Variants in CNOT6L observed in about 807,000 individuals in gnomAD.
CNOT6L encodes the protein CCR4-NOT transcription complex subunit 6 like.
CNOT6L carries 7 observed loss-of-function variants against 64.0 expected under a neutral mutation model. That is an observed-to-expected ratio of 0.11 (90% CI 0.06 to 0.21). The LOEUF (loss-of-function observed/expected upper bound fraction) is 0.21. Ranked by LOEUF, CNOT6L falls within the 10% of genes least tolerant of loss-of-function variation. CNOT6L has a pLI of 1.00. For synonymous variants in CNOT6L, 193 were observed against 243.4 expected (o/e 0.79, Z 1.93); for missense variants, 245 against 669.0 (o/e 0.37, Z 6.99).
At chr4:77,780,631 T>C (rs770703962) in intron 1 of CNOT6L, among the ~76,000 whole-genome samples, 4 of 152,200 alleles carry the variant, frequency 2.6e-5, no homozygotes, top group African/African-American at 4.8e-5. Flanking sequence ...CAGTCCTAGA[T>C]AAGGAACCCG....
chr4:77,779,186 C>G (rs1319638251), intron 1 of CNOT6L, among the ~76,000 whole-genome samples: 6 of 151,114 alleles, frequency 4.0e-5, no homozygotes, highest in Admixed American at 1.3e-4. Context: ...GAGGCATATT[C>G]TTTTTATATC....
intron 11 of CNOT6L, 119 bp from the exon 12 acceptor site, chr4:77,720,762 G>T: frequency 2.1e-6 from 2 of 962,854 alleles, no homozygotes; most frequent in Non-Finnish European, 1.6e-6. Flanking sequence ...TGTCTTGATA[G>T]TGGGTCAAAT....
Position 77,726,296 on chromosome 4 carries a change from C to T in CNOT6L, c.1326G>A (p.Glu442=), listed in dbSNP as rs1721842806. The change falls in exon 11 of 12, where the codon GAG becomes GAA. Residue 442 remains glutamate (E), a synonymous_variant. Transcript: ENST00000504123. ...HKDFKELRYN[E]CLMNFSCNGK... is the part of the protein sequence containing the mutation. ...CATTGCAGCTGAAGTTCATAAGACA[C>T]TCATTGTACCTTAGTTCCTTGAAGT... 2 of 1,613,684 alleles carry T rather than the reference C, an allele frequency of 1.2e-6. No individual in the cohort carries two copies. The highest frequency in any genetic ancestry group is 4.5e-5 in the East Asian group (2 of 44,862).
intron 4 of CNOT6L, among the ~76,000 whole-genome samples, chr4:77,758,913 A>C (rs1484288863): frequency 1.3e-5 from 2 of 152,162 alleles, no homozygotes; most frequent in Non-Finnish European, 2.9e-5. Context: ...ACCTAGAGTA[A>C]GATAAATGCC....
At chr4:77,780,640 C>T (rs1335675862) in intron 1 of CNOT6L, among the ~76,000 whole-genome samples, 1 of 152,090 alleles carries the variant, frequency 6.6e-6, no homozygotes, top group Non-Finnish European at 1.5e-5. Context: ...ATAAGGAACC[C>T]GATTTTCTCC....
At chr4:77,772,263 G>A (rs1727641244) in intron 4 of CNOT6L, among the ~76,000 whole-genome samples, 3 of 151,896 alleles carry the variant, frequency 2.0e-5, no homozygotes, top group Admixed American at 2.0e-4. Context: ...ACGGAGTTTC[G>A]CTCTTGTTGC....
At chr4:77,756,436 A>G (rs1251799783) in intron 5 of CNOT6L, among the ~76,000 whole-genome samples, 1 of 152,250 alleles carries the variant, frequency 6.6e-6, no homozygotes, top group Non-Finnish European at 1.5e-5. Context: ...TCATTCATTA[A>G]AAATGTGTAA....
At chr4:77,775,947 G>A (rs1577972497) in intron 2 of CNOT6L, among the ~76,000 whole-genome samples, 1 of 152,154 alleles carries the variant, frequency 6.6e-6, no homozygotes, top group East Asian at 1.9e-4. Context: ...CACTGAGATA[G>A]GAGGATGGCA....
intron 10 of CNOT6L, among the ~76,000 whole-genome samples, chr4:77,728,036 G>A (rs76351593): frequency 0.023 from 3,488 of 152,248 alleles, 61 homozygotes; most frequent in Non-Finnish European, 0.032. Flanking sequence ...ATTGGCAAAA[G>A]AGTAATAGTC....
At chr4:77,817,978 T>A (rs1367931488) in intron 1 of CNOT6L, among the ~76,000 whole-genome samples, 3 of 152,262 alleles carry the variant, frequency 2.0e-5, no homozygotes, top group Non-Finnish European at 4.4e-5. Flanking sequence ...AAATGTACTG[T>A]AGACCTATTG....
intron 5 of CNOT6L, among the ~76,000 whole-genome samples, chr4:77,755,439 T>C (rs943949107): frequency 2.0e-5 from 3 of 151,922 alleles, no homozygotes; most frequent in African/African-American, 7.3e-5. Context: ...ATTGTCTCGA[T>C]CTCTTGACCT....
intron 5 of CNOT6L, among the ~76,000 whole-genome samples, chr4:77,750,199 G>C (rs1031878718): frequency 2.6e-5 from 4 of 152,084 alleles, no homozygotes; most frequent in South Asian, 2.1e-4. Flanking sequence ...ATGCCTACCA[G>C]AAAGTAAAAG....
intron 1 of CNOT6L, among the ~76,000 whole-genome samples, chr4:77,802,812 A>T (rs1296142364): frequency 2.0e-5 from 3 of 152,210 alleles, no homozygotes; most frequent in African/African-American, 7.2e-5. Context: ...AAGTGGCTAG[A>T]CGGGAATCTG....
In CNOT6L at chr4:77,773,138, G is replaced by A. The variant is rs772515991; in HGVS notation, c.343C>T (p.Arg115Trp). Residue 115 changes from arginine to tryptophan, a missense_variant, in exon 4 of 12, where the codon CGG becomes TGG. Around this residue, in one of 10 missense-constraint regions of CNOT6L, gnomAD observed 78 missense variants for 137.6 expected, o/e 0.57. Transcript: ENST00000504123. ...CGACCAAGTTCATAAGGCAAAACCC[G>A]TAACAGATTGTTATTTAAAAGCAAT... is the stretch of plus-strand genomic sequence containing the variant. ...RELLLNNNLL[R>W]VLPYELGRLF... The A allele has an allele frequency of 1.9e-6, 3 of 1,582,784 alleles. No homozygotes were observed. The highest frequency in any genetic ancestry group is 1.7e-6 in the Non-Finnish European group (2 of 1,169,646).
At chr4:77,740,127 T>A (rs1723414676) in intron 8 of CNOT6L, among the ~76,000 whole-genome samples, 1 of 152,068 alleles carries the variant, frequency 6.6e-6, no homozygotes, top group East Asian at 1.9e-4. Context: ...CCCAGCACTG[T>A]GGGAGGCTGA....
At chr4:77,779,938 T>C (rs578228997) in intron 1 of CNOT6L, among the ~76,000 whole-genome samples, 1 of 152,292 alleles carries the variant, frequency 6.6e-6, no homozygotes, top group Admixed American at 6.5e-5. Flanking sequence ...CACTCCAGCC[T>C]GGGCAACAGA....
At chr4:77,791,637 C>G (rs1730158242) in intron 1 of CNOT6L, among the ~76,000 whole-genome samples, 1 of 152,016 alleles carries the variant, frequency 6.6e-6, no homozygotes, top group Non-Finnish European at 1.5e-5. Flanking sequence ...CTCTAAGGCT[C>G]ATTCTTCTGT....
chr4:77,796,394 C>T (rs75197293), intron 1 of CNOT6L, among the ~76,000 whole-genome samples: 9,692 of 151,934 alleles, frequency 0.064, 464 homozygotes, highest in African/African-American at 0.13. Flanking sequence ...AGGACTTCTC[C>T]CTTGCTTTTT....
Position 77,779,058 on chromosome 4 carries a change from AAAAACAAAAAAAAAAC to A in CNOT6L, c.6-2682_6-2667del, listed in dbSNP as rs1354063104. ...CGAGACTCTGTCTCAAAAAAAAAAA[AAAAACAAAAAAAAAAC>A]ACAAAAAACACACAGGCATAGGATT... On this transcript the variant is annotated intron_variant, in intron 1 of 11. Transcript: ENST00000504123. 1.9e-4 allele frequency among the ~76,000 whole-genome samples: 18 copies of A among 96,396 alleles called. 1 individual carries two copies. The highest frequency in any genetic ancestry group is 3.7e-4 in the Non-Finnish European group (16 of 43,350). 63.2% of individuals were successfully genotyped at this position (96,396 alleles called of 152,430 possible).
Sources: allele counts gnomAD v4.1 joint callset (sites outside exome capture counted in the v4.1 genomes callset), GRCh38; gene constraint gnomAD v4.1.1; regional missense constraint gnomAD v4.1.1; transcripts MANE v1.5; gene names NCBI Gene and HGNC (gene_info 2026-07-23, HGNC 2026-07-21).